Variants in AKAP13 observed in about 807,000 individuals in gnomAD.
AKAP13 encodes A-kinase anchor protein 13.
AKAP13 carries 80 observed loss-of-function variants against 264.5 expected under a neutral mutation model. The ratio of observed to expected loss-of-function variants is 0.30; its 90% CI spans 0.25 to 0.36. The LOEUF (loss-of-function observed/expected upper bound fraction) is 0.36. Among genes scored for constraint, AKAP13 ranks in the 10% least tolerant of loss-of-function variants. AKAP13 has a pLI of 1.00. For synonymous variants in AKAP13, 1,380 were observed against 1,250.2 expected (o/e 1.10, Z -2.19); for missense variants, 3,712 against 3,435.2 (o/e 1.08, Z -2.01).
intron 12 of AKAP13, among the ~76,000 whole-genome samples, chr15:85,661,078 C>G (rs1417304369): frequency 1.3e-5 from 2 of 152,166 alleles, no homozygotes; most frequent in African/African-American, 4.8e-5. Flanking sequence ...CTGCTTTTAT[C>G]TCTTCTCAGA....
chr15:85,527,869 C>T (rs1199604979), intron 3 of AKAP13, among the ~76,000 whole-genome samples: 2 of 152,154 alleles, frequency 1.3e-5, no homozygotes, highest in Non-Finnish European at 2.9e-5. Context: ...TTTTTAGAGA[C>T]TTTGATGCGA....
At chr15:85,628,161 C>CT (rs1196450523) in intron 8 of AKAP13, among the ~76,000 whole-genome samples, 1 of 152,224 alleles carries the variant, frequency 6.6e-6, no homozygotes, top group Admixed American at 6.5e-5. Flanking sequence ...ATGTATATAT[C>CT]TATCATCTTG....
intron 5 of AKAP13, among the ~76,000 whole-genome samples, chr15:85,553,227 C>T (rs532965353): frequency 2.2e-4 from 33 of 151,990 alleles, no homozygotes; most frequent in South Asian, 1.0e-3. Flanking sequence ...GCTGGGATTA[C>T]GGGCACTCGC....
rs1290850200 is a variant in AKAP13 at position 85,440,336 on chromosome 15, A to G, written c.-11-45374A>G. 1.3e-5 allele frequency among the ~76,000 whole-genome samples: 2 copies of G among 152,124 alleles called. 1 individual carries two copies. Among genetic ancestry groups the G allele is most frequent in the Non-Finnish European group, 2.9e-5 (2 of 68,024 alleles). On this transcript the variant is annotated intron_variant, in intron 1 of 36. Transcript: ENST00000394518. ...GGCATATTTCTGTTTTATAGATGAA[A>G]ACTTTTTCTTAATTTAAATTTCCCT... is the stretch of plus-strand genomic sequence containing the variant.
At chr15:85,633,446 A>G (rs1289040245) in intron 8 of AKAP13, among the ~76,000 whole-genome samples, 1 of 151,872 alleles carries the variant, frequency 6.6e-6, no homozygotes, top group Non-Finnish European at 1.5e-5. Flanking sequence ...TTAGCAGAGA[A>G]TCTTATTTCA....
intron 17 of AKAP13, among the ~76,000 whole-genome samples, chr15:85,698,320 G>T (rs952265228): frequency 3.3e-5 from 5 of 151,814 alleles, no homozygotes; most frequent in Non-Finnish European, 7.4e-5. Context: ...ACAAAAGTTA[G>T]TCGGGCATGG....
chr15:85,530,682 TG>T (rs1409880634), intron 3 of AKAP13, among the ~76,000 whole-genome samples: 1 of 152,232 alleles, frequency 6.6e-6, no homozygotes, highest in Non-Finnish European at 1.5e-5. Context: ...TTTGGATAAA[TG>T]GGACAATGCT....
chr15:85,664,504 C>G, intron 12 of AKAP13, 59 bp from the exon 13 acceptor site: 1 of 1,503,672 alleles, frequency 6.7e-7, no homozygotes, highest in Non-Finnish European at 9.0e-7. Context: ...GATTTTGTGT[C>G]CTCCTTTGTT....
intron 1 of AKAP13, among the ~76,000 whole-genome samples, chr15:85,392,223 A>C: frequency 8.0e-6 from 1 of 125,594 alleles, no homozygotes; most frequent in African/African-American, 3.0e-5. Context: ...TGTATAGTCT[A>C]TTGTCTTAAA....
chr15:85,717,032 T>A, intron 20 of AKAP13: 1 of 398,788 alleles, frequency 2.5e-6, no homozygotes, highest in South Asian at 3.4e-5. Flanking sequence ...GGAAGAAAGT[T>A]CCCCTTGCTT....
chr15:85,654,140 A>G (rs2082992090), intron 10 of AKAP13, among the ~76,000 whole-genome samples: 1 of 152,244 alleles, frequency 6.6e-6, no homozygotes, highest in African/African-American at 2.4e-5. Flanking sequence ...CATTGCCAGG[A>G]CTGATTATTT....
chr15:85,650,774 AAAAAAAAAAAAAAAAACAAC>A (rs2082781611), intron 10 of AKAP13, among the ~76,000 whole-genome samples: 1 of 143,242 alleles, frequency 7.0e-6, no homozygotes, highest in Non-Finnish European at 1.5e-5. Flanking sequence ...AAAAAAAAAA[AAAAAAAAAAAAAAAAACAAC>A]AAAAACTGCA....
chr15:85,391,387 G>A (rs1190195121), intron 1 of AKAP13, among the ~76,000 whole-genome samples: 2 of 152,104 alleles, frequency 1.3e-5, no homozygotes, highest in African/African-American at 2.4e-5. Context: ...ACACATATAC[G>A]AAGATAGTCT....
chr15:85,447,211 G>A (rs2073930788), intron 1 of AKAP13, among the ~76,000 whole-genome samples: 1 of 152,144 alleles, frequency 6.6e-6, no homozygotes, highest in Non-Finnish European at 1.5e-5. Flanking sequence ...AGGTTGTAGT[G>A]AGCTGAGATT....
chr15:85,728,314 C>T (rs2087741965), intron 29 of AKAP13, among the ~76,000 whole-genome samples: 1 of 152,152 alleles, frequency 6.6e-6, no homozygotes, highest in Admixed American at 6.5e-5. Context: ...GCCTTAAAGC[C>T]ATACAGATGA....
chr15:85,467,075 T>TAC (rs3054059), intron 1 of AKAP13, among the ~76,000 whole-genome samples: 2,212 of 149,472 alleles, frequency 0.015, 24 homozygotes, highest in Admixed American at 0.045. Flanking sequence ...TTGTATTAAC[T>TAC]ACACACACAC....
intron 5 of AKAP13, among the ~76,000 whole-genome samples, chr15:85,549,906 A>C (rs932063472): frequency 5.9e-5 from 9 of 152,098 alleles, no homozygotes; most frequent in African/African-American, 2.2e-4. Flanking sequence ...ACATATGGTA[A>C]GTATTGTCAT....
chr15:85,568,948 T>C (rs920388260), intron 5 of AKAP13, among the ~76,000 whole-genome samples: 6 of 152,262 alleles, frequency 3.9e-5, no homozygotes, highest in South Asian at 4.1e-4. Context: ...TCCAGGTAAT[T>C]CAGTCAAAGT....
chr15:85,620,065 C>T, intron 8 of AKAP13: 1 of 1,536,006 alleles, frequency 6.5e-7, no homozygotes. Flanking sequence ...CCTGCATTTT[C>T]TCTGTTCTTT....
Sources: allele counts gnomAD v4.1 joint callset (sites outside exome capture counted in the v4.1 genomes callset), GRCh38; gene constraint gnomAD v4.1.1; transcripts MANE v1.5; gene names NCBI Gene and HGNC (gene_info 2026-07-23, HGNC 2026-07-21).